Variants in PLCB4 observed in about 807,000 individuals in gnomAD.
PLCB4 encodes 1-phosphatidylinositol 4,5-bisphosphate phosphodiesterase beta-4.
Under a neutral mutation model 178.8 loss-of-function variants are expected in PLCB4, and 77 were observed. The observed-to-expected ratio is 0.43, with a 90% CI of 0.36 to 0.52. PLCB4 has a LOEUF of 0.52. Among genes scored for constraint, PLCB4 ranks in the 20% least tolerant of loss-of-function variants. The pLI, the probability that PLCB4 is intolerant of heterozygous loss-of-function variation, is 0.00. For missense variants in PLCB4, 1,024 were observed against 1,453.4 expected (o/e 0.70, Z 4.80); for synonymous variants, 496 against 490.8 (o/e 1.01, Z -0.14).
chr20:9,152,035 T>C (rs2092700575), intron 2 of PLCB4, among the ~76,000 whole-genome samples: 1 of 152,150 alleles, frequency 6.6e-6, no homozygotes, highest in Non-Finnish European at 1.5e-5. Flanking sequence ...TCTGTGGAAC[T>C]TTAAACTTGA....
In PLCB4 at chr20:9,121,133, T is replaced by G. The variant is rs1299741645; in HGVS notation, c.-79+24791T>G. 2.6e-5 allele frequency among the ~76,000 whole-genome samples: 4 copies of G among 152,202 alleles called. No homozygotes were observed. In the East Asian group the frequency reaches 5.8e-4, roughly 22 times the overall value. On this transcript the variant is annotated intron_variant, in intron 2 of 39. Coordinates refer to ENST00000378473, the MANE Select transcript of PLCB4 (RefSeq NM_001377142.1). ...TCCACACACCATTGGAGGCCCTACC[T>G]GTCAATTTCCAGAAGGCAGTGCGCC...
chr20:9,446,832 G>T (rs936981416), intron 32 of PLCB4, among the ~76,000 whole-genome samples: 1 of 152,220 alleles, frequency 6.6e-6, no homozygotes, highest in Non-Finnish European at 1.5e-5. Flanking sequence ...AGTGAGCTGA[G>T]ATTGTGCCAC....
At chr20:9,225,376 T>C (rs2147314975) in intron 3 of PLCB4, among the ~76,000 whole-genome samples, 1 of 152,308 alleles carries the variant, frequency 6.6e-6, no homozygotes, top group Non-Finnish European at 1.5e-5. Context: ...GTGAACTTTT[T>C]AAAAGGTTGT....
intron 2 of PLCB4, among the ~76,000 whole-genome samples, chr20:9,155,849 A>C (rs942828635): frequency 4.6e-5 from 7 of 152,130 alleles, no homozygotes; most frequent in Admixed American, 1.3e-4. Flanking sequence ...GACTATACCT[A>C]CATCGTGCCC....
chr20:9,367,273 T>A (rs920784890), intron 9 of PLCB4, among the ~76,000 whole-genome samples: 2 of 152,232 alleles, frequency 1.3e-5, no homozygotes, highest in African/African-American at 2.4e-5. Context: ...CAATTTTTTT[T>A]AAATTTAACT....
intron 3 of PLCB4, among the ~76,000 whole-genome samples, chr20:9,285,214 A>G (rs1412747797): frequency 6.6e-6 from 1 of 151,872 alleles, no homozygotes; most frequent in Non-Finnish European, 1.5e-5. Flanking sequence ...AAATGTAATT[A>G]TAGTCAGTTT....
chr20:9,406,295 T>C (rs2148490301), intron 21 of PLCB4, among the ~76,000 whole-genome samples: 1 of 152,268 alleles, frequency 6.6e-6, no homozygotes, highest in East Asian at 1.9e-4. Flanking sequence ...TTATTATTAT[T>C]AAACACACAT....
chr20:9,142,650 G>A (rs1158715379), intron 2 of PLCB4, among the ~76,000 whole-genome samples: 1 of 152,122 alleles, frequency 6.6e-6, no homozygotes, highest in African/African-American at 2.4e-5. Flanking sequence ...TAAGCAGTTT[G>A]TATTGCTGGT....
At chr20:9,282,051 T>A (rs1162808812) in intron 3 of PLCB4, among the ~76,000 whole-genome samples, 2 of 152,018 alleles carry the variant, frequency 1.3e-5, no homozygotes, top group African/African-American at 4.8e-5. Flanking sequence ...CTTTCCCTTG[T>A]TCCTTCCTCT....
At chr20:9,456,096 GAAGTGCTGGAATTAC>G (rs1361561875) in intron 33 of PLCB4, among the ~76,000 whole-genome samples, 1 of 152,062 alleles carries the variant, frequency 6.6e-6, no homozygotes, top group East Asian at 1.9e-4. Flanking sequence ...TTGGCTTCCC[GAAGTGCTGGAATTAC>G]AAGCGTGAGC....
chr20:9,133,828 G>C (rs1056757848), intron 2 of PLCB4, among the ~76,000 whole-genome samples: 4 of 152,158 alleles, frequency 2.6e-5, no homozygotes, highest in South Asian at 2.1e-4. Flanking sequence ...ACTTCACAGT[G>C]GTTCTTCCTC....
chr20:9,307,776 C>T (rs757553634), intron 3 of PLCB4, 24 bp from the exon 4 acceptor site: 72 of 1,085,840 alleles, frequency 6.6e-5, no homozygotes, highest in East Asian at 2.4e-4. Context: ...TATATACTAA[C>T]GAGCTATTCT....
intron 12 of PLCB4, among the ~76,000 whole-genome samples, chr20:9,375,049 A>C (rs187195652): frequency 2.2e-3 from 338 of 152,220 alleles, no homozygotes; most frequent in Non-Finnish European, 3.5e-3. Context: ...AGGAACTGTA[A>C]GACTACTCAG....
chr20:9,235,565 A>G lies in PLCB4; in HGVS notation c.-16+18113A>G, dbSNP rs532742902. On this transcript the variant is annotated intron_variant, in intron 3 of 39. Transcript: ENST00000378473. ...CTCTTTCCAAATCCCGCTTTCAAAA[A>G]TCTCAGAGAAGACAATGACTCGCTC... 4.5e-4 allele frequency among the ~76,000 whole-genome samples: 69 copies of G among 152,314 alleles called. 1 individual carries two copies. In the South Asian group the frequency reaches 0.014, roughly 32 times the overall value.
rs528023304 is a variant in PLCB4 at position 9,337,729 on chromosome 20, A to G, written c.166-279A>G. ...ATTTAATGATTATTAACAATGTTTT[A>G]TATATAAAAGTAACAGATTTTAGAA... On this transcript the variant is annotated intron_variant, in intron 5 of 39. Coordinates refer to ENST00000378473, the MANE Select transcript of PLCB4 (RefSeq NM_001377142.1). Among the ~76,000 whole-genome samples the G allele has an allele frequency of 8.8e-4, 134 of 152,306 alleles. 1 individual carries two copies. The highest frequency in any genetic ancestry group is 2.8e-3 in the African/African-American group (115 of 41,578).
At chr20:9,112,172 T>C (rs1040289387) in intron 2 of PLCB4, among the ~76,000 whole-genome samples, 1 of 152,180 alleles carries the variant, frequency 6.6e-6, no homozygotes, top group African/African-American at 2.4e-5. Context: ...GTTAAGAATC[T>C]GAAGAGAAGG....
chr20:9,156,109 C>CT (rs1253014843), intron 2 of PLCB4, among the ~76,000 whole-genome samples: 2 of 152,140 alleles, frequency 1.3e-5, no homozygotes, highest in East Asian at 1.9e-4. Flanking sequence ...CTAAGAAGAC[C>CT]TTTTTTCTGT....
chr20:9,449,059 G>A (rs2042588392), intron 32 of PLCB4, among the ~76,000 whole-genome samples: 1 of 152,106 alleles, frequency 6.6e-6, no homozygotes, highest in Non-Finnish European at 1.5e-5. Context: ...TGAATGTACT[G>A]GCAATCAAAC....
intron 1 of PLCB4, among the ~76,000 whole-genome samples, chr20:9,075,297 AATT>A (rs2089798614): frequency 6.6e-6 from 1 of 152,142 alleles, no homozygotes; most frequent in Non-Finnish European, 1.5e-5. Flanking sequence ...GTTTTGTGAT[AATT>A]ATTTTAAGTG....
Sources: gnomAD v4.1 joint callset for allele counts (sites outside exome capture counted in the v4.1 genomes callset) on GRCh38, gnomAD v4.1.1 for gene constraint, MANE v1.5 for transcripts, NCBI Gene and HGNC (gene_info 2026-07-23, HGNC 2026-07-21) for gene names.